DPY19L1: variants seen among roughly 807,000 people sequenced by gnomAD.
DPY19L1 encodes dpy-19 like C-mannosyltransferase 1.
DPY19L1 carries 35 observed loss-of-function variants against 96.9 expected under a neutral mutation model. The observed-to-expected ratio is 0.36, with a 90% CI of 0.28 to 0.48. The LOEUF (loss-of-function observed/expected upper bound fraction) is 0.48. Ranked by LOEUF, DPY19L1 falls within the 20% of genes least tolerant of loss-of-function variation. DPY19L1 has a pLI of 0.99. For missense variants in DPY19L1, 521 were observed against 777.9 expected (o/e 0.67, Z 3.93); for synonymous variants, 205 against 252.6 (o/e 0.81, Z 1.79).
intron 6 of DPY19L1, among the ~76,000 whole-genome samples, chr7:34,992,077 G>A (rs1190217888): frequency 6.6e-6 from 1 of 152,154 alleles, no homozygotes; most frequent in Non-Finnish European, 1.5e-5. Flanking sequence ...TGTGAGCTGT[G>A]CCCGGAAGCA....
At chr7:35,035,233 A>G (rs1443812202) in intron 1 of DPY19L1, among the ~76,000 whole-genome samples, 1 of 152,226 alleles carries the variant, frequency 6.6e-6, no homozygotes, top group Non-Finnish European at 1.5e-5. Flanking sequence ...GGTCCAGGGT[A>G]CACCCAAAAA....
intron 4 of DPY19L1, among the ~76,000 whole-genome samples, chr7:35,012,706 G>A (rs1212504943): frequency 6.6e-6 from 1 of 150,924 alleles, no homozygotes; most frequent in African/African-American, 2.4e-5. Flanking sequence ...AGACAAAAAA[G>A]ATTCAAAGAT....
intron 10 of DPY19L1, among the ~76,000 whole-genome samples, chr7:34,958,977 T>C (rs532863154): frequency 2.6e-5 from 4 of 151,814 alleles, no homozygotes; most frequent in African/African-American, 7.3e-5. Flanking sequence ...TTACAGAACA[T>C]AGCCCCAATA....
chr7:35,026,844 G>C (rs569025727), intron 1 of DPY19L1, among the ~76,000 whole-genome samples: 2 of 152,268 alleles, frequency 1.3e-5, no homozygotes, highest in East Asian at 3.9e-4. Flanking sequence ...CTATTCCTTA[G>C]GTTTTAGATG....
In DPY19L1 at chr7:34,929,309, G is replaced by A. The variant is rs935488950; in HGVS notation, c.*2264C>T. Reference sequence around the variant, plus strand: ...TGCTTGGGCTGCGAGCTGTGGCCACGGCTGCATAGCAGGGACCTTCAGGCC... The same window carrying A: ...TGCTTGGGCTGCGAGCTGTGGCCACAGCTGCATAGCAGGGACCTTCAGGCC... On this transcript the variant is annotated 3_prime_UTR_variant, in exon 22 of 22. Coordinates refer to ENST00000638088, the MANE Select transcript of DPY19L1 (RefSeq NM_001366673.1). 3.3e-5 allele frequency: 5 copies of A among 152,186 alleles called. No individual in the cohort carries two copies. Among genetic ancestry groups the A allele is most frequent in the African/African-American group, 1.2e-4 (5 of 41,450 alleles). 9.4% of individuals were successfully genotyped at this position (152,186 alleles called of 1,614,324 possible).
chr7:34,949,381 CTG>C (rs1784222926), intron 14 of DPY19L1, among the ~76,000 whole-genome samples: 1 of 152,102 alleles, frequency 6.6e-6, no homozygotes, highest in Admixed American at 6.6e-5. Flanking sequence ...TTCTAAATCT[CTG>C]AATACAGTTT....
At chr7:35,006,960 TA>T (rs1467684946) in intron 6 of DPY19L1, among the ~76,000 whole-genome samples, 1 of 152,228 alleles carries the variant, frequency 6.6e-6, no homozygotes, top group East Asian at 1.9e-4. Context: ...TAATACAATT[TA>T]TTTTTTTAAT....
At chr7:35,010,672 T>G (rs1430502844) in intron 5 of DPY19L1, 111 bp from the exon 6 acceptor site, 1 of 752,014 alleles carries the variant, frequency 1.3e-6, no homozygotes, top group African/African-American at 1.8e-5. Context: ...CCAGATATAT[T>G]AAATAGCTGC....
At chr7:34,948,170 G>GA (rs75491277) in intron 14 of DPY19L1, among the ~76,000 whole-genome samples, 1 of 151,574 alleles carries the variant, frequency 6.6e-6, no homozygotes. Flanking sequence ...TTTAGTAGCA[G>GA]AAAAAAAATA....
At chr7:34,935,659 C>T (rs1257766560) in intron 21 of DPY19L1, among the ~76,000 whole-genome samples, 1 of 152,280 alleles carries the variant, frequency 6.6e-6, no homozygotes, top group Non-Finnish European at 1.5e-5. Context: ...CTGCTTCCCC[C>T]ATTCCAACAT....
intron 16 of DPY19L1, among the ~76,000 whole-genome samples, chr7:34,944,740 G>C (rs554396126): frequency 6.6e-6 from 1 of 152,126 alleles, no homozygotes; most frequent in South Asian, 2.1e-4. Flanking sequence ...TACTACAAAA[G>C]GCATCTCTCC....
chr7:35,004,535 AATTT>A (rs1187334090), intron 6 of DPY19L1, among the ~76,000 whole-genome samples: 2 of 152,206 alleles, frequency 1.3e-5, no homozygotes, highest in Middle Eastern at 3.2e-3. Flanking sequence ...AAGCTCTGAT[AATTT>A]ATTTATTTTT....
intron 1 of DPY19L1, among the ~76,000 whole-genome samples, chr7:35,029,821 A>C (rs771370106): frequency 7.9e-5 from 12 of 152,198 alleles, no homozygotes; most frequent in Non-Finnish European, 1.3e-4. Flanking sequence ...CTTCCCACTA[A>C]TGTGCCTTTG....
chr7:35,018,494 C>A, intron 2 of DPY19L1, 78 bp downstream of exon 2: 1 of 1,319,964 alleles, frequency 7.6e-7, no homozygotes, highest in South Asian at 1.3e-5. Context: ...GAAATTATTC[C>A]TTTAAATGTA....
At chr7:35,014,283 A>T (rs1260519877) in intron 3 of DPY19L1, among the ~76,000 whole-genome samples, 3 of 152,210 alleles carry the variant, frequency 2.0e-5, no homozygotes, top group African/African-American at 4.8e-5. Flanking sequence ...ATAAGGTAAG[A>T]ACCCTGTGCG....
intron 1 of DPY19L1, among the ~76,000 whole-genome samples, chr7:35,036,677 T>C (rs1462069619): frequency 1.3e-5 from 2 of 152,054 alleles, no homozygotes; most frequent in African/African-American, 4.8e-5. Flanking sequence ...GAACGTGCGT[T>C]TGCTTTGAGC....
At position 35,015,750 on chromosome 7, in the gene DPY19L1, T is replaced by C. The variant is rs116587747; in HGVS notation, c.412-2045A>G. Among the ~76,000 whole-genome samples the C allele has an allele frequency of 8.7e-3, 1,326 of 152,340 alleles. 24 individuals are homozygous for C. The highest frequency in any genetic ancestry group is 0.029 in the African/African-American group (1,215 of 41,568). On this transcript the variant is annotated intron_variant, in intron 3 of 21. Transcript: ENST00000638088. Reference sequence around the variant, plus strand: ...CCACCCTTTCATCCCTTTACTTTCTTAAGGTAAACTTCTTTTCACTTTACT... The same window carrying C: ...CCACCCTTTCATCCCTTTACTTTCTCAAGGTAAACTTCTTTTCACTTTACT...
intron 3 of DPY19L1, among the ~76,000 whole-genome samples, chr7:35,014,777 C>G (rs949699405): frequency 2.4e-4 from 37 of 152,202 alleles, no homozygotes; most frequent in African/African-American, 8.4e-4. Flanking sequence ...CAGACGTGAT[C>G]AAGTTAAGAT....
chr7:34,977,095 TG>T (rs1455661997), intron 7 of DPY19L1, among the ~76,000 whole-genome samples: 21 of 152,330 alleles, frequency 1.4e-4, no homozygotes, highest in Middle Eastern at 3.4e-3. Flanking sequence ...GTATGTACAT[TG>T]TTTTTTAGAC....
Sources: gnomAD v4.1 joint callset for allele counts (sites outside exome capture counted in the v4.1 genomes callset) on GRCh38, gnomAD v4.1.1 for gene constraint, MANE v1.5 for transcripts, NCBI Gene and HGNC (gene_info 2026-07-23, HGNC 2026-07-21) for gene names.